ZFHX3: variants seen among roughly 807,000 people sequenced by gnomAD.
The protein encoded by ZFHX3 is zinc finger homeobox 3.
Under a neutral mutation model 279.1 loss-of-function variants are expected in ZFHX3, and 42 were observed. The observed-to-expected ratio is 0.15, with a 90% CI of 0.12 to 0.19. The LOEUF (loss-of-function observed/expected upper bound fraction) is 0.19. Among genes scored for constraint, ZFHX3 ranks in the 10% least tolerant of loss-of-function variants. ZFHX3 has a pLI of 1.00. For synonymous variants in ZFHX3, 2,293 were observed against 1,957.8 expected, an observed-to-expected ratio of 1.17 and a Z score of -4.52; for missense variants, 4,981 against 4,754.0, an observed-to-expected ratio of 1.05 and a Z score of -1.40.
intron 4 of ZFHX3, among the ~76,000 whole-genome samples, chr16:73,306,028 C>A (rs1484748277): frequency 1.4e-4 from 21 of 152,196 alleles, no homozygotes; most frequent in Admixed American, 5.2e-4. Context: ...ACCCGCAAGT[C>A]TGCATTTCTT....
At chr16:73,440,924 G>C (rs931633951) in intron 3 of ZFHX3, among the ~76,000 whole-genome samples, 16 of 152,144 alleles carry the variant, frequency 1.1e-4, no homozygotes, top group Non-Finnish European at 2.1e-4. Flanking sequence ...TTCATCTTTA[G>C]TCACAAACAG....
At chr16:73,270,359 C>A (rs994174073) in intron 4 of ZFHX3, among the ~76,000 whole-genome samples, 1 of 152,148 alleles carries the variant, frequency 6.6e-6, no homozygotes, top group African/African-American at 2.4e-5. Flanking sequence ...AAACATGCAG[C>A]CCAGGAAGAG....
intron 3 of ZFHX3, among the ~76,000 whole-genome samples, chr16:73,341,474 A>G (rs1375593684): frequency 2.0e-5 from 3 of 152,244 alleles, no homozygotes; most frequent in Admixed American, 6.5e-5. Context: ...ATACATAATA[A>G]GTGAAATGCC....
At chr16:73,273,647 C>G (rs554004180) in intron 4 of ZFHX3, among the ~76,000 whole-genome samples, 21 of 152,272 alleles carry the variant, frequency 1.4e-4, no homozygotes, top group African/African-American at 5.1e-4. Flanking sequence ...ATCTAGCCCC[C>G]TCTTTGTAAA....
chr16:72,794,367 T>C lies in ZFHX3; in HGVS notation c.8315A>G (p.His2772Arg). The C allele has an allele frequency of 6.2e-7, 1 of 1,602,452 alleles. No individual in the cohort carries two copies. The highest frequency in any genetic ancestry group is 8.5e-7 in the Non-Finnish European group (1 of 1,173,914). Reference protein sequence around the residue: ...GDIFDGTSFSHLPPSSSDGQG... With the variant: ...GDIFDGTSFSRLPPSSSDGQG... ...ACCATCACTACTGCTTGGGGGTAGG[T>C]GGGAAAAGCTAGTTCCGTCAAAAAT... The change falls in exon 9 of 10, where the codon CAC becomes CGC. Residue 2772 changes from histidine (H) to arginine (R), a missense_variant. Coordinates refer to ENST00000268489, the MANE Select transcript of ZFHX3 (RefSeq NM_006885.4). The surrounding 1 kb of genome is among the most constrained non-coding windows in gnomAD (Gnocchi z 4.2).
At chr16:73,062,597 A>G (rs1219796641), upstream of ZFHX3, among the ~76,000 whole-genome samples, 1 of 152,194 alleles carries the variant, frequency 6.6e-6, no homozygotes, top group Non-Finnish European at 1.5e-5. Flanking sequence ...TCCAAAGGCT[A>G]AAGAGGCAAT....
chr16:73,663,541 G>A (rs1368319264), intron 2 of ZFHX3, among the ~76,000 whole-genome samples: 2 of 152,168 alleles, frequency 1.3e-5, no homozygotes, highest in Non-Finnish European at 2.9e-5. Context: ...TTCCTAGTGG[G>A]AATAAAAAAT....
chr16:73,532,804 G>C (rs1162055735), intron 2 of ZFHX3, among the ~76,000 whole-genome samples: 1 of 152,186 alleles, frequency 6.6e-6, no homozygotes, highest in Non-Finnish European at 1.5e-5. Context: ...TTGAATCATG[G>C]AGGCAGTTTC....
At chr16:72,950,374 G>C in intron 3 of ZFHX3, 95 bp downstream of exon 3, 2 of 1,535,448 alleles carry the variant, frequency 1.3e-6, no homozygotes, top group Non-Finnish European at 8.8e-7. Context: ...CCATGCCAGA[G>C]ACTGTCCGAC....
At chr16:73,298,590 G>A (rs557832072) in intron 4 of ZFHX3, among the ~76,000 whole-genome samples, 1 of 146,488 alleles carries the variant, frequency 6.8e-6, no homozygotes, top group South Asian at 2.3e-4. Context: ...AAAGCTCACA[G>A]AGCATATTTT....
At chr16:72,909,436 TA>T (rs2039263423) in intron 3 of ZFHX3, among the ~76,000 whole-genome samples, 1 of 152,182 alleles carries the variant, frequency 6.6e-6, no homozygotes, top group Non-Finnish European at 1.5e-5. Context: ...TTCCCTGACC[TA>T]AAACCCCGTA....
At chr16:73,862,172 G>A (rs979135721) in intron 1 of ZFHX3, among the ~76,000 whole-genome samples, 33 of 152,132 alleles carry the variant, frequency 2.2e-4, no homozygotes, top group Non-Finnish European at 2.1e-4. Context: ...CCAGCTTTCT[G>A]ATCACAGTAA....
chr16:72,899,608 T>A (rs992822774), intron 3 of ZFHX3, among the ~76,000 whole-genome samples: 1 of 152,146 alleles, frequency 6.6e-6, no homozygotes, highest in Non-Finnish European at 1.5e-5. Context: ...CTGTTGCCAA[T>A]AATGATGGTT....
chr16:73,258,358 T>TATATATATATATATATATATA (rs1567432751), intron 4 of ZFHX3, among the ~76,000 whole-genome samples: 2 of 150,722 alleles, frequency 1.3e-5, no homozygotes, highest in African/African-American at 4.9e-5. Flanking sequence ...TATATATATA[T>TATATATATATATATATATATA]TTGTTTTCTG....
chr16:72,991,285 C>A (rs1234211533), intron 1 of ZFHX3, among the ~76,000 whole-genome samples: 4 of 152,122 alleles, frequency 2.6e-5, no homozygotes, highest in Non-Finnish European at 4.4e-5. Context: ...TTATCATAGG[C>A]ATGTAGGTAG....
At chr16:73,507,172 G>A (rs185345498) in intron 2 of ZFHX3, among the ~76,000 whole-genome samples, 1 of 152,324 alleles carries the variant, frequency 6.6e-6, no homozygotes, top group Admixed American at 6.5e-5. Flanking sequence ...GGCACACTCT[G>A]ATTCAGGTGT....
intron 5 of ZFHX3, among the ~76,000 whole-genome samples, chr16:73,194,388 T>C (rs548078409): frequency 6.6e-6 from 1 of 152,092 alleles, no homozygotes; most frequent in African/African-American, 2.4e-5. Flanking sequence ...TCAGTACAGA[T>C]GGGGTTTCAC....
intron 2 of ZFHX3, among the ~76,000 whole-genome samples, chr16:72,953,551 G>A (rs1232930898): frequency 6.6e-6 from 1 of 152,160 alleles, no homozygotes; most frequent in Non-Finnish European, 1.5e-5. Flanking sequence ...GTGAAAATGA[G>A]AAGTCCTTGG....
chr16:73,612,924 T>TA (rs1019427965), intron 2 of ZFHX3, among the ~76,000 whole-genome samples: 34 of 151,752 alleles, frequency 2.2e-4, no homozygotes, highest in African/African-American at 8.2e-4. Flanking sequence ...TTAGGATGGT[T>TA]AAAAAAAGGA....
Sources: allele counts gnomAD v4.1 joint callset (sites outside exome capture counted in the v4.1 genomes callset), GRCh38; gene constraint gnomAD v4.1.1; non-coding constraint Gnocchi (gnomAD v3.1); transcripts MANE v1.5; gene names NCBI Gene and HGNC (gene_info 2026-07-23, HGNC 2026-07-21).